Variants in SLC35B3 observed in about 807,000 individuals in gnomAD.
SLC35B3 encodes solute carrier family 35 member B3.
SLC35B3 carries 35 observed loss-of-function variants against 44.1 expected under a neutral mutation model. The observed-to-expected ratio is 0.79, with a 90% CI of 0.61 to 1.05. The LOEUF (loss-of-function observed/expected upper bound fraction) is 1.05, where lower values mean the gene tolerates loss of function less well. Ranked by LOEUF, SLC35B3 falls within the 50% of genes least tolerant of loss-of-function variation. The pLI is 0.00. For synonymous variants in SLC35B3, 146 were observed against 167.3 expected (o/e 0.87, Z 0.98); for missense variants, 414 against 476.4 (o/e 0.87, Z 1.22).
chr6:8,422,715 C>T, intron 4 of SLC35B3, 91 bp from the exon 4 acceptor site: 1 of 992,542 alleles, frequency 1.0e-6, no homozygotes, highest in Admixed American at 2.9e-5. Flanking sequence ...TGTCTAATTA[C>T]TTTTCTAATT....
intron 2 of SLC35B3, among the ~76,000 whole-genome samples, chr6:8,431,761 T>A (rs985947163): frequency 5.3e-5 from 8 of 152,218 alleles, no homozygotes; most frequent in Non-Finnish European, 1.0e-4. Context: ...TGTGCTTGAA[T>A]GTAGAAGAGA....
chr6:8,435,385 G>A lies in SLC35B3; in HGVS notation c.-86C>T. ...ACCCGGAAGGGTGACGGCAGCCTGC[G>A]TGGCGTCTGAGCTAGACGGAGCATC... On this transcript the variant is annotated 5_prime_UTR_variant, in exon 1 of 11. It adds an upstream start codon to the 5' untranslated region. Coordinates refer to ENST00000644923, the MANE Select transcript of SLC35B3 (RefSeq NM_001370476.2). This position sits in a 1 kb window ranked among gnomAD's most constrained non-coding sequence, Gnocchi z 5.5. The A allele has an allele frequency of 7.8e-7, 1 of 1,288,734 alleles. No homozygotes were observed. Among genetic ancestry groups the A allele is most frequent in the South Asian group, 1.2e-5 (1 of 80,990 alleles). 79.8% of individuals were successfully genotyped at this position (1,288,734 alleles called of 1,614,324 possible).
rs184068804 is a variant in SLC35B3, at chr6:8,413,603, C to G, written c.1152G>C (p.Leu384Phe). The change falls in exon 11 of 11, where the codon TTG becomes TTC. Residue 384 changes from leucine (L) to phenylalanine (F), a missense_variant. Leu to Phe is a conservative substitution (Grantham distance 22, BLOSUM62 0). Transcript: ENST00000644923. The stretch of plus-strand genomic sequence containing the variant: ...TTCTTGCTTCCACTGATTTGTTTAT[C>G]AAATCATACAGTGATGGTAGTCTTA... The G allele has an allele frequency of 7.1e-4, 1,144 of 1,608,008 alleles. 3 individuals carry two copies. Among genetic ancestry groups the G allele is most frequent in the Non-Finnish European group, 9.2e-4 (1,084 of 1,177,238 alleles).
rs1192259981 is a variant in SLC35B3, at chr6:8,419,003, A to G, written c.780+577T>C. On this transcript the variant is annotated intron_variant, in intron 7 of 10. Transcript: ENST00000644923. This position sits in a 1 kb window ranked among gnomAD's most constrained non-coding sequence, Gnocchi z 4.3. Reference sequence around the variant, plus strand: ...ATTCAAATACAATTCTGAATGCCACACAAGAGTGTGATATGATAAAGAGGG... The same window carrying G: ...ATTCAAATACAATTCTGAATGCCACGCAAGAGTGTGATATGATAAAGAGGG... 6.5e-6 allele frequency: 1 copy of G among 154,648 alleles called. No homozygotes were observed. Among genetic ancestry groups the G allele is most frequent in the African/African-American group, 2.4e-5 (1 of 41,532 alleles). The allele number at this position is 154,648 out of a possible 1,614,324, so 9.6% of individuals were successfully genotyped here.
At position 8,434,505 on chromosome 6, in the gene SLC35B3, G is replaced by T; in HGVS notation, c.-43-75C>A. On this transcript the variant is annotated intron_variant, in intron 1 of 10. Transcript: ENST00000644923. The surrounding 1 kb of genome is among the most constrained non-coding windows in gnomAD (Gnocchi z 6.3). ...TTTGTACACACATCATTACACAAAGGTGGAGAAACCCTGTGCTAATGTTTG... is the reference window on the plus strand; with the variant it reads ...TTTGTACACACATCATTACACAAAGTTGGAGAAACCCTGTGCTAATGTTTG... 1 of 1,278,600 alleles carries T rather than the reference G, an allele frequency of 7.8e-7. No homozygotes were observed. The highest frequency in any genetic ancestry group is 1.1e-6 in the Non-Finnish European group (1 of 919,508). 79.2% of individuals were successfully genotyped at this position (1,278,600 alleles called of 1,614,324 possible). A position where few individuals can be genotyped will look rare whatever the true frequency, so the allele number is the denominator to read the frequency against.
chr6:8,421,992 GTGTTTGTT>G (rs35584868), intron 5 of SLC35B3, among the ~76,000 whole-genome samples: 57 of 138,902 alleles, frequency 4.1e-4, no homozygotes, highest in Non-Finnish European at 7.0e-4. Context: ...AGGCATATAA[GTGTTTGTT>G]TGTTTGTTTG....
At position 8,413,410 on chromosome 6, in the gene SLC35B3, A is replaced by C. The variant is rs1661880310; in HGVS notation, c.*139T>G. 2 of 729,828 alleles carry C rather than the reference A, an allele frequency of 2.7e-6. No individual in the cohort carries two copies. Among genetic ancestry groups the C allele is most frequent in the Non-Finnish European group, 2.1e-6 (1 of 478,902 alleles). 45.2% of individuals were successfully genotyped at this position (729,828 alleles called of 1,614,324 possible). A position where few individuals can be genotyped will look rare whatever the true frequency, so the allele number is the denominator to read the frequency against. On this transcript the variant is annotated 3_prime_UTR_variant, in exon 11 of 11. Coordinates refer to ENST00000644923, the MANE Select transcript of SLC35B3 (RefSeq NM_001370476.2). ...GCTCTGAAGAAAAGGCTGACACCGC[A>C]AAACAACTTCATATGAAATCTGTCC... is the stretch of plus-strand genomic sequence containing the variant.
At position 8,420,917 on chromosome 6, in the gene SLC35B3, G is replaced by T. The variant is rs1489056521; in HGVS notation, c.575-89C>A. 7.0e-6 allele frequency: 7 copies of T among 1,004,066 alleles called. No homozygotes were observed. Among genetic ancestry groups the T allele is most frequent in the East Asian group, 2.6e-5 (1 of 38,258 alleles). 62.2% of individuals were successfully genotyped at this position (1,004,066 alleles called of 1,614,324 possible). Reference sequence around the variant, plus strand: ...TATGTGTTAAGTAGAACATGGATTTGTTTTTTTATATCCAATGCCAAAAAC... The same window carrying T: ...TATGTGTTAAGTAGAACATGGATTTTTTTTTTTATATCCAATGCCAAAAAC... On this transcript the variant is annotated intron_variant, in intron 5 of 10. Coordinates refer to ENST00000644923, the MANE Select transcript of SLC35B3 (RefSeq NM_001370476.2). The surrounding 1 kb of genome is among the most constrained non-coding windows in gnomAD (Gnocchi z 4.4).
At chr6:8,425,303 G>A (rs937668557) in intron 4 of SLC35B3, among the ~76,000 whole-genome samples, 4 of 152,128 alleles carry the variant, frequency 2.6e-5, no homozygotes, top group African/African-American at 9.7e-5. Context: ...AGAAGGCCCA[G>A]TAGTTTGTAA....
At chr6:8,424,197 T>C (rs573883678) in intron 4 of SLC35B3, among the ~76,000 whole-genome samples, 1 of 152,354 alleles carries the variant, frequency 6.6e-6, no homozygotes, top group South Asian at 2.1e-4. Context: ...GCCTCCAGGA[T>C]ACTCACTATT....
intron 4 of SLC35B3, among the ~76,000 whole-genome samples, chr6:8,426,586 A>G (rs982236217): frequency 9.8e-5 from 15 of 152,288 alleles, no homozygotes; most frequent in African/African-American, 3.6e-4. Flanking sequence ...GACTCCTGCC[A>G]TGATTCTGAG....
chr6:8,426,539 A>G (rs1763427565), intron 4 of SLC35B3, among the ~76,000 whole-genome samples: 1 of 151,710 alleles, frequency 6.6e-6, no homozygotes, highest in South Asian at 2.1e-4. Context: ...CATCTTCCTC[A>G]TTTTCTCTTG....
Position 8,420,950 on chromosome 6 carries a change from C to T in SLC35B3, c.575-122G>A, listed in dbSNP as rs1221457664. ...ATATCCAATGCCAAAAACGTGAACA[C>T]TTAGGTCAAGGCAGAAGACAGTCAC... On this transcript the variant is annotated intron_variant, in intron 5 of 10. Transcript: ENST00000644923. This position sits in a 1 kb window ranked among gnomAD's most constrained non-coding sequence, Gnocchi z 4.4. 1.3e-5 allele frequency: 8 copies of T among 629,818 alleles called. No homozygotes were observed. Among genetic ancestry groups the T allele is most frequent in the Middle Eastern group, 6.2e-4 (2 of 3,246 alleles). 39.0% of individuals were successfully genotyped at this position (629,818 alleles called of 1,614,324 possible). A position where few individuals can be genotyped will look rare whatever the true frequency, so the allele number is the denominator to read the frequency against.
At position 8,435,269 on chromosome 6, in the gene SLC35B3, G is replaced by A. The variant is rs1237348799; in HGVS notation, c.-44+74C>T. 2 of 1,289,198 alleles carry A rather than the reference G, an allele frequency of 1.6e-6. No homozygotes were observed. The highest frequency in any genetic ancestry group is 2.0e-6 in the Non-Finnish European group (2 of 988,868). 79.9% of individuals were successfully genotyped at this position (1,289,198 alleles called of 1,614,324 possible). A position where few individuals can be genotyped will look rare whatever the true frequency, so the allele number is the denominator to read the frequency against. ...ACGCTCCTTCTGGATGAGGAAGATGGGCAGTGTCAAGGTTTTCTGGAGGAG... is the reference window on the plus strand; with the variant it reads ...ACGCTCCTTCTGGATGAGGAAGATGAGCAGTGTCAAGGTTTTCTGGAGGAG... On this transcript the variant is annotated intron_variant, in intron 1 of 10. Transcript: ENST00000644923. The surrounding 1 kb of genome is among the most constrained non-coding windows in gnomAD (Gnocchi z 5.5).
At chr6:8,426,855 T>C (rs1012549442) in intron 4 of SLC35B3, among the ~76,000 whole-genome samples, 3 of 152,144 alleles carry the variant, frequency 2.0e-5, no homozygotes, top group Non-Finnish European at 4.4e-5. Context: ...ACTTGTTGAA[T>C]GGCTTTGGCA....
rs758613946 is a variant in SLC35B3 at position 8,420,793 on chromosome 6, T to C, written c.610A>G (p.Ile204Val). Reference sequence around the variant, plus strand: ...CATATCAGGCCAAGGCTCATACATATGGCAGCAGACACATCTGCAACATTA... The same window carrying C: ...CATATCAGGCCAAGGCTCATACATACGGCAGCAGACACATCTGCAACATTA... Residue 204 changes from isoleucine (I) to valine (V), a missense_variant, in exon 6 of 11, where the codon ATA becomes GTA. Physicochemically the swap from Ile to Val is conservative, Grantham distance 29 (BLOSUM62 3). Coordinates refer to ENST00000644923, the MANE Select transcript of SLC35B3 (RefSeq NM_001370476.2). The surrounding 1 kb of genome is among the most constrained non-coding windows in gnomAD (Gnocchi z 4.4). 3 of 1,612,918 alleles carry C rather than the reference T, an allele frequency of 1.9e-6. No individual in the cohort carries two copies. The highest frequency in any genetic ancestry group is 2.2e-5 in the South Asian group (2 of 90,994).
At position 8,422,450 on chromosome 6, in the gene SLC35B3, A is replaced by G; in HGVS notation, c.574+20T>C. On this transcript the variant is annotated intron_variant, in intron 5 of 10. Coordinates refer to ENST00000644923, the MANE Select transcript of SLC35B3 (RefSeq NM_001370476.2). The stretch of plus-strand genomic sequence containing the variant: ...TAGCCTATTAGTTTTAAATAGTATA[A>G]AAACATATCATTACTATACCTTGAA... The G allele has an allele frequency of 6.3e-7, 1 of 1,582,774 alleles. No homozygotes were observed. Among genetic ancestry groups the G allele is most frequent in the Non-Finnish European group, 8.7e-7 (1 of 1,155,484 alleles).
At chr6:8,430,984 C>T (rs558448120) in intron 2 of SLC35B3, among the ~76,000 whole-genome samples, 14 of 152,200 alleles carry the variant, frequency 9.2e-5, no homozygotes, top group Admixed American at 1.3e-4. Context: ...ACAGAAAGCA[C>T]AATATGCTTC....
chr6:8,423,300 C>A (rs1405123519), intron 4 of SLC35B3, among the ~76,000 whole-genome samples: 2 of 152,114 alleles, frequency 1.3e-5, no homozygotes, highest in Non-Finnish European at 2.9e-5. Context: ...AAGATTTTCT[C>A]TAGGAAAAGT....
Sources: allele counts gnomAD v4.1 joint callset (sites outside exome capture counted in the v4.1 genomes callset), GRCh38; gene constraint gnomAD v4.1.1; non-coding constraint Gnocchi (gnomAD v3.1); transcripts MANE v1.5; gene names NCBI Gene and HGNC (gene_info 2026-07-23, HGNC 2026-07-21).